The following PTPRM variants were observed in gnomAD, a reference collection of about 807,000 sequenced individuals.
The protein encoded by PTPRM is protein tyrosine phosphatase receptor type M, also known as receptor-type tyrosine-protein phosphatase mu.
In PTPRM, 47 loss-of-function variants were observed where a neutral mutation model predicts 186.7. The observed-to-expected ratio is 0.25, with a 90% CI of 0.20 to 0.32. PTPRM has a LOEUF of 0.32. Among genes scored for constraint, PTPRM ranks in the 10% least tolerant of loss-of-function variants. The pLI, the probability that PTPRM is intolerant of heterozygous loss-of-function variation, is 1.00. For missense variants in PTPRM, 1,494 were observed against 1,865.0 expected, an observed-to-expected ratio of 0.80 and a Z score of 3.66; for synonymous variants, 668 against 674.9, an observed-to-expected ratio of 0.99 and a Z score of 0.16.
At chr18:8,044,025 C>T (rs184707140) in intron 7 of PTPRM, among the ~76,000 whole-genome samples, 7 of 152,332 alleles carry the variant, frequency 4.6e-5, no homozygotes, top group Non-Finnish European at 1.0e-4. Flanking sequence ...GTGATTGCCA[C>T]GGAACAAACA....
chr18:8,051,673 A>G (rs2087509189), intron 7 of PTPRM, among the ~76,000 whole-genome samples: 1 of 152,144 alleles, frequency 6.6e-6, no homozygotes, highest in South Asian at 2.1e-4. Flanking sequence ...TCATAGCCAT[A>G]GCTAATTCTG....
intron 2 of PTPRM, among the ~76,000 whole-genome samples, chr18:7,864,671 G>A (rs2047582119): frequency 1.3e-5 from 2 of 152,172 alleles, no homozygotes; most frequent in East Asian, 3.8e-4. Context: ...GATTGGCTTG[G>A]ATATGCAGGC....
At chr18:7,720,915 A>G (rs1453098919) in intron 1 of PTPRM, among the ~76,000 whole-genome samples, 1 of 152,052 alleles carries the variant, frequency 6.6e-6, no homozygotes, top group African/African-American at 2.4e-5. Flanking sequence ...TTTGGCTGTG[A>G]TGAATGATTC....
At chr18:7,700,993 A>AAAAAAAAAAAG (rs10653685) in intron 1 of PTPRM, among the ~76,000 whole-genome samples, 23 of 107,344 alleles carry the variant, frequency 2.1e-4, no homozygotes, top group East Asian at 4.3e-4. Context: ...AAAAAAAAAA[A>AAAAAAAAAAAG]AAAGAAAGAA....
chr18:8,405,231 G>T (rs2095898331), intron 32 of PTPRM: 1 of 151,856 alleles, frequency 6.6e-6, no homozygotes. Flanking sequence ...ACTGGTCTAT[G>T]GGTCCCAGAG....
At chr18:8,082,164 G>A (rs2090162467) in intron 9 of PTPRM, among the ~76,000 whole-genome samples, 1 of 152,100 alleles carries the variant, frequency 6.6e-6, no homozygotes, top group South Asian at 2.1e-4. Context: ...AATATTTACT[G>A]ATCACAGTGG....
chr18:7,715,370 G>A (rs1330738135), intron 1 of PTPRM, among the ~76,000 whole-genome samples: 1 of 152,150 alleles, frequency 6.6e-6, no homozygotes, highest in Non-Finnish European at 1.5e-5. Context: ...AATAATAAGA[G>A]CTATTTATAA....
chr18:7,949,884 G>C (rs373898409), intron 6 of PTPRM, among the ~76,000 whole-genome samples: 13 of 152,190 alleles, frequency 8.5e-5, no homozygotes, highest in African/African-American at 3.1e-4. Flanking sequence ...AGAAGGTGGG[G>C]GATGAGGGAA....
At chr18:8,157,233 G>A (rs1224430793) in intron 14 of PTPRM, among the ~76,000 whole-genome samples, 1 of 152,164 alleles carries the variant, frequency 6.6e-6, no homozygotes, top group African/African-American at 2.4e-5. Context: ...AAAATGTTAT[G>A]ACAAGAAAAC....
At position 8,035,389 on chromosome 18, in the gene PTPRM, C is replaced by T. The variant is rs1471994443; in HGVS notation, c.1133-34297C>T. ...GGGGGGATTAGTTCCAAGACTGCCC[C>T]CCTCCTCCCCACCAGGACACCAAAA... On this transcript the variant is annotated intron_variant, in intron 7 of 32. Transcript: ENST00000580170. 2.0e-5 allele frequency among the ~76,000 whole-genome samples: 3 copies of T among 152,098 alleles called. No homozygotes were observed. In the South Asian group the frequency reaches 6.2e-4, roughly 32 times the overall value.
At chr18:7,826,507 G>C (rs1033219656) in intron 2 of PTPRM, among the ~76,000 whole-genome samples, 2 of 152,122 alleles carry the variant, frequency 1.3e-5, no homozygotes, top group Non-Finnish European at 2.9e-5. Context: ...ATAGAAAAGT[G>C]GTTTATTTCA....
chr18:8,341,799 C>G, intron 22 of PTPRM, among the ~76,000 whole-genome samples: 1 of 152,202 alleles, frequency 6.6e-6, no homozygotes, highest in African/African-American at 2.4e-5. Flanking sequence ...GAATGTACCT[C>G]TCTGCAAGCC....
chr18:7,952,388 T>C (rs548240492), intron 6 of PTPRM, among the ~76,000 whole-genome samples: 1 of 152,328 alleles, frequency 6.6e-6, no homozygotes, highest in African/African-American at 2.4e-5. Flanking sequence ...TCCTTTCCCT[T>C]TGGGAAAATT....
intron 6 of PTPRM, among the ~76,000 whole-genome samples, chr18:7,950,624 C>G (rs974463155): frequency 2.6e-5 from 4 of 151,990 alleles, no homozygotes; most frequent in Non-Finnish European, 5.9e-5. Context: ...TGAGGAAGAT[C>G]AAATGCAAAG....
chr18:7,953,890 C>A (rs1193651576), intron 6 of PTPRM, among the ~76,000 whole-genome samples: 1 of 152,008 alleles, frequency 6.6e-6, no homozygotes, highest in South Asian at 2.1e-4. Flanking sequence ...TAGGATATAG[C>A]GGATTTTATT....
chr18:8,304,821 ATT>A (rs34216473), intron 20 of PTPRM, among the ~76,000 whole-genome samples: 13,385 of 131,254 alleles, frequency 0.1, 551 homozygotes, highest in African/African-American at 0.12. Context: ...TGTTGACTTT[ATT>A]TTTTTTTTTT....
At chr18:7,901,103 T>C (rs988833215) in intron 3 of PTPRM, among the ~76,000 whole-genome samples, 12 of 152,204 alleles carry the variant, frequency 7.9e-5, no homozygotes, top group African/African-American at 2.7e-4. Context: ...AACATTCCTA[T>C]GATTCCCACT....
chr18:8,048,116 G>A (rs191248172), intron 7 of PTPRM, among the ~76,000 whole-genome samples: 244 of 152,224 alleles, frequency 1.6e-3, no homozygotes, highest in Non-Finnish European at 2.6e-3. Flanking sequence ...GCTTGAGAGA[G>A]ATAGAAAAGT....
At chr18:7,773,679 G>T (rs149042823) in intron 1 of PTPRM, among the ~76,000 whole-genome samples, 1 of 150,936 alleles carries the variant, frequency 6.6e-6, no homozygotes, top group Non-Finnish European at 1.5e-5. Flanking sequence ...TCCGCCTCTT[G>T]GGTTCAAGCG....
Sources: allele counts gnomAD v4.1 joint callset (sites outside exome capture counted in the v4.1 genomes callset), GRCh38; gene constraint gnomAD v4.1.1; transcripts MANE v1.5; gene names NCBI Gene and HGNC (gene_info 2026-07-23, HGNC 2026-07-21).